FAM168A: variants seen among roughly 807,000 people sequenced by gnomAD.
FAM168A encodes the protein family with sequence similarity 168 member A, also known as protein FAM168A.
FAM168A carries 3 observed loss-of-function variants against 28.5 expected under a neutral mutation model. The ratio of observed to expected loss-of-function variants is 0.11; its 90% CI spans 0.05 to 0.27. The LOEUF (loss-of-function observed/expected upper bound fraction) is 0.27, where lower values mean the gene tolerates loss of function less well. Among genes scored for constraint, FAM168A ranks in the 10% least tolerant of loss-of-function variants. The pLI is 1.00. For missense variants in FAM168A, 222 were observed against 311.5 expected, an observed-to-expected ratio of 0.71 and a Z score of 2.16; for synonymous variants, 122 against 124.2, an observed-to-expected ratio of 0.98 and a Z score of 0.12.
chr11:73,543,405 C>T (rs535601784), intron 1 of FAM168A, among the ~76,000 whole-genome samples: 2 of 151,884 alleles, frequency 1.3e-5, no homozygotes, highest in South Asian at 4.2e-4. Flanking sequence ...GGATTACAGG[C>T]ACCCGCCACC....
At chr11:73,547,504 A>C (rs1194477790) in intron 1 of FAM168A, among the ~76,000 whole-genome samples, 1 of 152,112 alleles carries the variant, frequency 6.6e-6, no homozygotes, top group Non-Finnish European at 1.5e-5. Context: ...TTCCTCCAAA[A>C]ATTAAAAATA....
At chr11:73,565,297 G>C (rs183805574) in intron 1 of FAM168A, among the ~76,000 whole-genome samples, 1 of 152,094 alleles carries the variant, frequency 6.6e-6, no homozygotes, top group Non-Finnish European at 1.5e-5. Flanking sequence ...CACTATATGC[G>C]TAACGGCTGA....
At chr11:73,441,952 T>G (rs1483238839) in intron 2 of FAM168A, among the ~76,000 whole-genome samples, 1 of 152,178 alleles carries the variant, frequency 6.6e-6, no homozygotes, top group African/African-American at 2.4e-5. Flanking sequence ...ATTTTGCCAG[T>G]CTTTTAAAAT....
intron 2 of FAM168A, among the ~76,000 whole-genome samples, chr11:73,440,692 A>AAG (rs1867178306): frequency 6.6e-6 from 1 of 152,236 alleles, no homozygotes; most frequent in Non-Finnish European, 1.5e-5. Context: ...AGAGAATATC[A>AAG]GTATGACCTT....
intron 1 of FAM168A, among the ~76,000 whole-genome samples, chr11:73,549,561 C>T (rs950682965): frequency 6.6e-6 from 1 of 152,134 alleles, no homozygotes; most frequent in Admixed American, 6.5e-5. Context: ...TGTGTGTTCC[C>T]GGAGGCACAA....
At chr11:73,591,688 T>A (rs1195141495) in intron 1 of FAM168A, among the ~76,000 whole-genome samples, 1 of 152,128 alleles carries the variant, frequency 6.6e-6, no homozygotes, top group Non-Finnish European at 1.5e-5. Context: ...ATTTTTGTTT[T>A]TTGTAGAGAC....
At chr11:73,570,737 A>T (rs1339223048) in intron 1 of FAM168A, among the ~76,000 whole-genome samples, 1 of 151,854 alleles carries the variant, frequency 6.6e-6, no homozygotes, top group Admixed American at 6.6e-5. Flanking sequence ...CTGTCTCAAA[A>T]AAAAAAAAAG....
chr11:73,471,825 T>C (rs527304759), intron 1 of FAM168A, among the ~76,000 whole-genome samples: 2 of 152,176 alleles, frequency 1.3e-5, no homozygotes, highest in Non-Finnish European at 2.9e-5. Context: ...GAGATTTTTT[T>C]TCAAGTGAAA....
rs34499254 is a variant in FAM168A, at chr11:73,426,703, C to CTGTGTGTGTG, written c.151+3977_151+3986dup. Among the ~76,000 whole-genome samples, 982 of 144,288 alleles carry CTGTGTGTGTG rather than the reference C, an allele frequency of 6.8e-3. 5 individuals are homozygous for CTGTGTGTGTG. Among genetic ancestry groups the CTGTGTGTGTG allele is most frequent in the African/African-American group, 0.011 (425 of 39,002 alleles). 94.7% of individuals were successfully genotyped at this position (144,288 alleles called of 152,430 possible). A position where few individuals can be genotyped will look rare whatever the true frequency, so the allele number is the denominator to read the frequency against. On this transcript the variant is annotated intron_variant, in intron 3 of 7. Coordinates refer to ENST00000356467, the MANE Select transcript of FAM168A (RefSeq NM_015159.3). ...TGTGTGTGTAGGATTCCAAAATATG[C>CTGTGTGTGTG]TGTGTGTGTGTGTGTGTGTGTGTGT...
At chr11:73,542,372 T>C (rs933414145) in intron 1 of FAM168A, among the ~76,000 whole-genome samples, 3 of 152,218 alleles carry the variant, frequency 2.0e-5, no homozygotes, top group South Asian at 2.1e-4. Flanking sequence ...TCTAATCTTG[T>C]AGTTGCTCAA....
intron 7 of FAM168A, among the ~76,000 whole-genome samples, 153 bp from the exon 8 acceptor site, chr11:73,406,897 G>A (rs1866516139): frequency 6.6e-6 from 1 of 152,184 alleles, no homozygotes; most frequent in Non-Finnish European, 1.5e-5. Context: ...GGAGGAGATG[G>A]GGGAGGCCAG....
At chr11:73,552,847 C>T (rs1040855311) in intron 1 of FAM168A, among the ~76,000 whole-genome samples, 4 of 152,078 alleles carry the variant, frequency 2.6e-5, no homozygotes, top group Admixed American at 6.6e-5. Context: ...ATCCCAGCTA[C>T]TCGGGAGACT....
intron 2 of FAM168A, among the ~76,000 whole-genome samples, chr11:73,452,519 T>G (rs929347507): frequency 6.6e-6 from 1 of 152,300 alleles, no homozygotes; most frequent in Admixed American, 6.5e-5. Flanking sequence ...TCTTCTCTGA[T>G]GAAAAGGAGA....
intron 1 of FAM168A, among the ~76,000 whole-genome samples, chr11:73,546,757 T>C (rs1468729118): frequency 6.7e-6 from 1 of 149,874 alleles, no homozygotes; most frequent in African/African-American, 2.5e-5. Context: ...AAGCTAGCTG[T>C]GATGAAGATG....
intron 1 of FAM168A, among the ~76,000 whole-genome samples, chr11:73,494,254 A>G (rs1310120500): frequency 6.6e-6 from 1 of 152,172 alleles, no homozygotes; most frequent in Non-Finnish European, 1.5e-5. Context: ...ACAAAGACTA[A>G]GTGACTCACT....
At chr11:73,549,049 C>A (rs1024011058) in intron 1 of FAM168A, among the ~76,000 whole-genome samples, 9 of 152,186 alleles carry the variant, frequency 5.9e-5, no homozygotes, top group South Asian at 2.1e-4. Context: ...TCAAGCAATT[C>A]TCCTGCCTCA....
chr11:73,499,295 A>G (rs1009418844), intron 1 of FAM168A, among the ~76,000 whole-genome samples: 1 of 152,172 alleles, frequency 6.6e-6, no homozygotes, highest in Non-Finnish European at 1.5e-5. Context: ...TTGAAAGAAA[A>G]ACAAACAAGC....
intron 1 of FAM168A, among the ~76,000 whole-genome samples, chr11:73,484,166 C>T (rs1259275576): frequency 6.6e-6 from 1 of 152,086 alleles, no homozygotes; most frequent in Non-Finnish European, 1.5e-5. Context: ...ATACAGAGTA[C>T]GTTATATACC....
At chr11:73,464,941 A>C (rs1867711346) in intron 2 of FAM168A, among the ~76,000 whole-genome samples, 1 of 151,824 alleles carries the variant, frequency 6.6e-6, no homozygotes, top group Admixed American at 6.6e-5. Flanking sequence ...ATAGCTCTTA[A>C]GTGGCAGAAT....
Sources: gnomAD v4.1 joint callset for allele counts (sites outside exome capture counted in the v4.1 genomes callset) on GRCh38, gnomAD v4.1.1 for gene constraint, MANE v1.5 for transcripts, NCBI Gene and HGNC (gene_info 2026-07-23, HGNC 2026-07-21) for gene names.